The following TBC1D19 variants were observed in gnomAD, a reference collection of about 807,000 sequenced individuals.
The protein encoded by TBC1D19 is TBC1 domain family member 19.
Under a neutral mutation model 89.0 loss-of-function variants are expected in TBC1D19, and 60 were observed. The observed-to-expected ratio is 0.67, with a 90% CI of 0.55 to 0.84. The LOEUF (loss-of-function observed/expected upper bound fraction) is 0.84, where lower values mean the gene tolerates loss of function less well. Among genes scored for constraint, TBC1D19 ranks in the 40% least tolerant of loss-of-function variants. The pLI, the probability that TBC1D19 is intolerant of heterozygous loss-of-function variation, is 0.00. For synonymous variants in TBC1D19, 189 were observed against 199.7 expected (o/e 0.95, Z 0.45); for missense variants, 500 against 610.8 (o/e 0.82, Z 1.91).
chr4:26,782,483 G>A, the TBC1D19 span, among the ~76,000 whole-genome samples: 61 of 152,230 alleles, frequency 4.0e-4, no homozygotes, highest in Admixed American at 9.2e-4. Flanking sequence ...GGGCAGTCAC[G>A]GGGCTTGAAA....
chr4:26,836,314 C>G, the TBC1D19 span, among the ~76,000 whole-genome samples: 66 of 152,296 alleles, frequency 4.3e-4, no homozygotes, highest in African/African-American at 1.5e-3. Flanking sequence ...TAGCACAGTG[C>G]CTGGCACAGA....
intron 1 of TBC1D19, among the ~76,000 whole-genome samples, chr4:26,590,796 GTT>G (rs869124166): frequency 0.029 from 1,538 of 52,928 alleles, 54 homozygotes; most frequent in African/African-American, 0.12. Context: ...TTGCAGGTCT[GTT>G]TTTTTTTTTT....
chr4:26,726,808 CAAT>C (rs1717347498), intron 15 of TBC1D19, among the ~76,000 whole-genome samples: 2 of 89,544 alleles, frequency 2.2e-5, no homozygotes, highest in Admixed American at 2.9e-4. Flanking sequence ...TTAATAGAGA[CAAT>C]GAGGAAATGA....
intron 1 of TBC1D19, among the ~76,000 whole-genome samples, chr4:26,586,263 C>G (rs1374958918): frequency 1.3e-5 from 2 of 150,736 alleles, no homozygotes; most frequent in African/African-American, 4.9e-5. Flanking sequence ...TTCCTTGGCA[C>G]CTTTGTCGAA....
At chr4:26,603,236 G>A (rs1423587943) in intron 1 of TBC1D19, among the ~76,000 whole-genome samples, 2 of 152,168 alleles carry the variant, frequency 1.3e-5, no homozygotes, top group Non-Finnish European at 1.5e-5. Flanking sequence ...GATGATATTG[G>A]TGGTGATATT....
chr4:26,656,730 T>C (rs1744846233), intron 7 of TBC1D19, among the ~76,000 whole-genome samples: 2 of 152,066 alleles, frequency 1.3e-5, no homozygotes. Flanking sequence ...AGCTAATTTT[T>C]TGTATTTTAG....
At chr4:26,649,437 G>T (rs1744183444) in intron 7 of TBC1D19, among the ~76,000 whole-genome samples, 1 of 152,008 alleles carries the variant, frequency 6.6e-6, no homozygotes, top group Non-Finnish European at 1.5e-5. Context: ...TATATTTACA[G>T]AATTGTGCAA....
intron 1 of TBC1D19, among the ~76,000 whole-genome samples, chr4:26,596,613 TC>T (rs896306552): frequency 2.6e-5 from 2 of 75,930 alleles, no homozygotes; most frequent in African/African-American, 5.7e-5. Flanking sequence ...ATTACTTTCC[TC>T]CTGTTTTTTT....
the TBC1D19 span, among the ~76,000 whole-genome samples, chr4:26,772,476 T>C: frequency 6.6e-6 from 1 of 152,130 alleles, no homozygotes; most frequent in Non-Finnish European, 1.5e-5. Context: ...TCCTTCAACT[T>C]TTAAGTTCAG....
chr4:26,671,158 A>G (rs1401305034), intron 9 of TBC1D19, among the ~76,000 whole-genome samples: 2 of 151,594 alleles, frequency 1.3e-5, no homozygotes, highest in Non-Finnish European at 3.0e-5. Context: ...TTCTACTCCC[A>G]CTAGCTTTGT....
chr4:26,828,451 A>G, the TBC1D19 span, among the ~76,000 whole-genome samples: 3 of 152,240 alleles, frequency 2.0e-5, no homozygotes, highest in Non-Finnish European at 2.9e-5. Context: ...AAAGGTTATC[A>G]AAAGGAGACC....
chr4:26,801,127 T>C, the TBC1D19 span, among the ~76,000 whole-genome samples: 1 of 152,242 alleles, frequency 6.6e-6, no homozygotes. Flanking sequence ...CTTCTAGGGT[T>C]TTTATGGTTT....
In TBC1D19 at chr4:26,755,622, C is replaced by T. The variant is rs932920549; in HGVS notation, c.*675C>T. 6.6e-6 allele frequency among the ~76,000 whole-genome samples: 1 copy of T among 152,170 alleles called. No individual in the cohort carries two copies. The highest frequency in any genetic ancestry group is 1.5e-5 in the Non-Finnish European group (1 of 68,022). The stretch of plus-strand genomic sequence containing the variant: ...TGAAAGTCAGAAAATTATAGGTGAT[C>T]CCTTTTCACTTCTCAACCTTCCTTC... On this transcript the variant is annotated 3_prime_UTR_variant, in exon 21 of 21. Coordinates refer to ENST00000264866, the MANE Select transcript of TBC1D19 (RefSeq NM_018317.4).
At chr4:26,838,661 C>T in the TBC1D19 span, among the ~76,000 whole-genome samples, 4 of 152,214 alleles carry the variant, frequency 2.6e-5, no homozygotes, top group African/African-American at 7.2e-5. Context: ...AGGGAGCAGA[C>T]TTCCTGTACT....
chr4:26,718,640 C>G (rs542932670), intron 14 of TBC1D19, among the ~76,000 whole-genome samples: 1 of 152,180 alleles, frequency 6.6e-6, no homozygotes, highest in East Asian at 1.9e-4. Flanking sequence ...TCCTGTATCT[C>G]TTATGTCTGA....
upstream of TBC1D19, among the ~76,000 whole-genome samples, chr4:26,582,015 C>T (rs1431517836): frequency 6.6e-6 from 1 of 151,778 alleles, no homozygotes; most frequent in Admixed American, 6.6e-5. Context: ...GAATTAGAGC[C>T]AAACTTCGTA....
chr4:26,657,260 G>A lies in TBC1D19; in HGVS notation c.481-2337G>A, dbSNP rs141632339. ...TGCCTCTGACCCCCTGACAGGCCCC[G>A]GTGTGTGATGTTTTCCTCCCTGTGT... On this transcript the variant is annotated intron_variant, in intron 7 of 20. Transcript: ENST00000264866. Among the ~76,000 whole-genome samples, 782 of 151,548 alleles carry A rather than the reference G, an allele frequency of 5.2e-3. 14 individuals carry two copies. The highest frequency in any genetic ancestry group is 0.013 in the Admixed American group (200 of 15,172).
At chr4:26,695,207 A>C (rs1456792947) in intron 13 of TBC1D19, among the ~76,000 whole-genome samples, 1 of 152,238 alleles carries the variant, frequency 6.6e-6, no homozygotes, top group Admixed American at 6.5e-5. Flanking sequence ...CTACGTGACA[A>C]ATGCACAAGC....
chr4:26,812,499 G>C, the TBC1D19 span, among the ~76,000 whole-genome samples: 3 of 152,134 alleles, frequency 2.0e-5, no homozygotes, highest in Non-Finnish European at 2.9e-5. This position sits in a 1 kb window ranked among gnomAD's most constrained non-coding sequence, Gnocchi z 4.2. Flanking sequence ...CCCCAGAGAG[G>C]TTCTCTTCAC....
Sources: allele counts gnomAD v4.1 joint callset (sites outside exome capture counted in the v4.1 genomes callset), GRCh38; gene constraint gnomAD v4.1.1; non-coding constraint Gnocchi (gnomAD v3.1); transcripts MANE v1.5; gene names NCBI Gene and HGNC (gene_info 2026-07-23, HGNC 2026-07-21).